Variants in HSPE1 observed in about 807,000 individuals in gnomAD.
HSPE1 encodes the protein heat shock protein family E (Hsp10) member 1.
Under a neutral mutation model 13.2 loss-of-function variants are expected in HSPE1, and 1 was observed. The observed-to-expected ratio is 0.08, with a 90% CI of 0.03 to 0.36. HSPE1 has a LOEUF of 0.36. Among genes scored for constraint, HSPE1 ranks in the 10% least tolerant of loss-of-function variants. The pLI is 0.99. For missense variants in HSPE1, 73 were observed against 118.7 expected, an observed-to-expected ratio of 0.62 and a Z score of 1.79; for synonymous variants, 44 against 42.0, an observed-to-expected ratio of 1.05 and a Z score of -0.19.
chr2:197,502,404 C>T (rs2086268593), intron 2 of HSPE1, among the ~76,000 whole-genome samples: 3 of 152,202 alleles, frequency 2.0e-5, no homozygotes, highest in Non-Finnish European at 4.4e-5. Context: ...CTAAAGATCT[C>T]AGCCAAAATA....
At chr2:197,500,840 G>A in intron 1 of HSPE1, 1 of 597,846 alleles carries the variant, frequency 1.7e-6, no homozygotes, top group Non-Finnish European at 3.0e-6. Flanking sequence ...TGACCTTAAA[G>A]CTGGTCTGGT....
intron 2 of HSPE1, 46 bp downstream of exon 2, chr2:197,501,284 A>G: frequency 1.3e-6 from 2 of 1,532,724 alleles, no homozygotes; most frequent in South Asian, 1.2e-5. Flanking sequence ...TGTGCAGTGG[A>G]GGGAAAAGAA....
intron 2 of HSPE1, among the ~76,000 whole-genome samples, chr2:197,502,802 G>C (rs1414416868): frequency 6.6e-6 from 1 of 152,074 alleles, no homozygotes; most frequent in Non-Finnish European, 1.5e-5. Context: ...GAACTTTTAC[G>C]TTGGAGTCAG....
At chr2:197,500,717 AAT>A (rs2086241388) in intron 1 of HSPE1, 1 of 596,770 alleles carries the variant, frequency 1.7e-6, no homozygotes, top group Admixed American at 3.0e-5. Context: ...GTGGATGTGT[AAT>A]ATCTTGGGTA....
rs143262995 is a variant in HSPE1 at position 197,503,235 on chromosome 2, C to T, written c.285C>T (p.Asp95=). 1.1e-4 allele frequency: 176 copies of T among 1,607,638 alleles called. No homozygotes were observed. The highest frequency in any genetic ancestry group is 1.4e-4 in the Non-Finnish European group (169 of 1,176,134). Residue 95 remains aspartate, a synonymous_variant, in exon 4 of 4, where the codon GAC becomes GAT. Transcript: ENST00000233893. ...DKDYFLFRDG[D]ILGKYVD ...ATTATTTCCTATTTAGAGATGGTGA[C>T]ATTCTTGGAAAGTACGTAGACTGAA...
At chr2:197,500,558 G>A in intron 1 of HSPE1, 119 bp downstream of exon 1, 1 of 1,441,174 alleles carries the variant, frequency 6.9e-7, no homozygotes, top group Non-Finnish European at 9.5e-7. Context: ...TCAGTGACCA[G>A]CGCCCGATGG....
intron 2 of HSPE1, 81 bp from the exon 3 acceptor site, chr2:197,502,958 T>C (rs1184679572): frequency 1.4e-5 from 10 of 732,442 alleles, no homozygotes; most frequent in South Asian, 4.9e-5. Context: ...CATGTTTCAT[T>C]AGTTGTAGTG....
chr2:197,501,767 CAA>C (rs11371120), intron 2 of HSPE1, among the ~76,000 whole-genome samples: 18 of 128,310 alleles, frequency 1.4e-4, no homozygotes, highest in Admixed American at 1.6e-4. Flanking sequence ...GATTCTGTCT[CAA>C]AAAAAAAAAA....
rs970191409 is a variant in HSPE1 at position 197,502,965 on chromosome 2, A to G, written c.169-74A>G. 6.5e-6 allele frequency: 5 copies of G among 763,476 alleles called. No individual in the cohort carries two copies. The African/African-American group carries it at 8.7e-5, about 13-fold the overall frequency. The allele number at this position is 763,476 out of a possible 1,614,324, so 47.3% of individuals were successfully genotyped here. On this transcript the variant is annotated intron_variant, in intron 2 of 3. Transcript: ENST00000233893. ...TGAGTGACCATGTTTCATTAGTTGT[A>G]GTGATTTAAAAGTTAACTGTTTATG...
chr2:197,501,994 AAAAT>A (rs140131899), intron 2 of HSPE1, among the ~76,000 whole-genome samples: 3 of 152,320 alleles, frequency 2.0e-5, no homozygotes, highest in African/African-American at 7.2e-5. Flanking sequence ...TCCTGTCTAC[AAAAT>A]AAATAAATAC....
chr2:197,500,616 C>G, intron 1 of HSPE1, 177 bp downstream of exon 1: 1 of 946,656 alleles, frequency 1.1e-6, no homozygotes, highest in Non-Finnish European at 1.6e-6. Context: ...CCCCAGGGCT[C>G]TTTGCACGCG....
Position 197,500,954 on chromosome 2 carries a change from G to A in HSPE1, c.4-120G>A, listed in dbSNP as rs913806409. ...TCAAATGCGCTTCCTTAACGAATAA[G>A]CTGAGGTTTGGTGTTAACTTTCAAA... On this transcript the variant is annotated intron_variant, in intron 1 of 3. Coordinates refer to ENST00000233893, the MANE Select transcript of HSPE1 (RefSeq NM_002157.3). 1.6e-5 allele frequency: 19 copies of A among 1,157,012 alleles called. No individual in the cohort carries two copies. The African/African-American group carries it at 2.6e-4, about 16-fold the overall frequency. 71.7% of individuals were successfully genotyped at this position (1,157,012 alleles called of 1,614,324 possible). A position where few individuals can be genotyped will look rare whatever the true frequency, so the allele number is the denominator to read the frequency against.
At position 197,503,190 on chromosome 2, in the gene HSPE1, T is replaced by G. The variant is rs776028460; in HGVS notation, c.259-19T>G. 6.2e-7 allele frequency: 1 copy of G among 1,602,286 alleles called. No homozygotes were observed. The highest frequency in any genetic ancestry group is 8.5e-7 in the Non-Finnish European group (1 of 1,169,720). Reference sequence around the variant, plus strand: ...ATTTGCAATTAGTTGTCTTAACTAATGGTTTTTTTCACTTGCAGGATTATT... The same window carrying G: ...ATTTGCAATTAGTTGTCTTAACTAAGGGTTTTTTTCACTTGCAGGATTATT... On this transcript the variant is annotated intron_variant, in intron 3 of 3. Coordinates refer to ENST00000233893, the MANE Select transcript of HSPE1 (RefSeq NM_002157.3).
Position 197,503,449 on chromosome 2 carries a change from A to G in HSPE1, c.*190A>G. The G allele has an allele frequency of 2.3e-6, 1 of 439,110 alleles. No homozygotes were observed. The highest frequency in any genetic ancestry group is 4.0e-6 in the Non-Finnish European group (1 of 248,194). 27.2% of individuals were successfully genotyped at this position (439,110 alleles called of 1,614,324 possible). A position where few individuals can be genotyped will look rare whatever the true frequency, so the allele number is the denominator to read the frequency against. On this transcript the variant is annotated 3_prime_UTR_variant, in exon 4 of 4. Coordinates refer to ENST00000233893, the MANE Select transcript of HSPE1 (RefSeq NM_002157.3). ...ACTTCCAAATAAAAATATGTAAATG[A>G]GTGGTTAATCTTTAGTTATTTTAAG...
At chr2:197,501,404 A>G in intron 2 of HSPE1, 166 bp downstream of exon 2, 2 of 795,668 alleles carry the variant, frequency 2.5e-6, no homozygotes, top group Non-Finnish European at 3.9e-6. Flanking sequence ...ACTAATATAA[A>G]GTTGCTTATT....
chr2:197,501,487 G>A (rs1001926320), intron 2 of HSPE1: 8 of 358,592 alleles, frequency 2.2e-5, no homozygotes, highest in Non-Finnish European at 3.5e-5. Context: ...TCAATAGGCC[G>A]GGTGCGGTGG....
chr2:197,500,432 G>A lies in HSPE1; in HGVS notation c.-5G>A, dbSNP rs1208382394. 2 of 1,600,752 alleles carry A rather than the reference G, an allele frequency of 1.2e-6. No individual in the cohort carries two copies. Among genetic ancestry groups the A allele is most frequent in the Non-Finnish European group, 1.7e-6 (2 of 1,174,186 alleles). ...GCAGAGTACGAGTCTGAGGCGGAGG[G>A]AGTAATGGTGAGTCCCGCGTGGCCC... On this transcript the variant is annotated 5_prime_UTR_variant, in exon 1 of 4. Transcript: ENST00000233893.
chr2:197,500,380 C>G lies in HSPE1; in HGVS notation c.-57C>G, dbSNP rs968200620. On this transcript the variant is annotated 5_prime_UTR_variant, in exon 1 of 4. Coordinates refer to ENST00000233893, the MANE Select transcript of HSPE1 (RefSeq NM_002157.3). ...TTCACGTGTCGCCAGGGCCGGACTGCGAGTCTCTTTGCGGCGCTACACTAG... is the reference window on the plus strand; with the variant it reads ...TTCACGTGTCGCCAGGGCCGGACTGGGAGTCTCTTTGCGGCGCTACACTAG... 6 of 1,581,476 alleles carry G rather than the reference C, an allele frequency of 3.8e-6. No individual in the cohort carries two copies. The highest frequency in any genetic ancestry group is 5.2e-6 in the Non-Finnish European group (6 of 1,164,666).
At position 197,503,210 on chromosome 2, in the gene HSPE1, A is replaced by T; in HGVS notation, c.260A>T (p.Asp87Val). 6.2e-7 allele frequency: 1 copy of T among 1,607,708 alleles called. No individual in the cohort carries two copies. The highest frequency in any genetic ancestry group is 8.5e-7 in the Non-Finnish European group (1 of 1,174,990). Residue 87 changes from aspartate to valine, a missense_variant and splice_region_variant, in exon 4 of 4, where the codon GAT becomes GTT. Coordinates refer to ENST00000233893, the MANE Select transcript of HSPE1 (RefSeq NM_002157.3). The stretch of plus-strand genomic sequence containing the variant: ...ACTAATGGTTTTTTTCACTTGCAGG[A>T]TTATTTCCTATTTAGAGATGGTGAC... The part of the protein sequence containing the change: ...GGTKVVLDDK[D>V]YFLFRDGDIL...
Sources: allele counts gnomAD v4.1 joint callset (sites outside exome capture counted in the v4.1 genomes callset), GRCh38; gene constraint gnomAD v4.1.1; transcripts MANE v1.5; gene names NCBI Gene and HGNC (gene_info 2026-07-23, HGNC 2026-07-21).